Variants in ANKRD44 observed in about 807,000 individuals in gnomAD.
ANKRD44 encodes serine/threonine-protein phosphatase 6 regulatory ankyrin repeat subunit B.
A neutral mutation model predicts 116.0 loss-of-function variants in ANKRD44; 35 were observed. The ratio of observed to expected loss-of-function variants is 0.30; its 90% confidence interval spans 0.23 to 0.40. The LOEUF is 0.40. Ranked by LOEUF, ANKRD44 falls within the 10% of genes least tolerant of loss-of-function variation. The pLI, the probability that ANKRD44 is intolerant of heterozygous loss-of-function variation, is 1.00. For missense variants in ANKRD44, 1,014 were observed against 1,242.6 expected, an observed-to-expected ratio of 0.82 and a Z score of 2.77; for synonymous variants, 435 against 461.8, an observed-to-expected ratio of 0.94 and a Z score of 0.74.
intron 4 of ANKRD44, chr2:197,136,195 C>T: frequency 5.2e-6 from 1 of 193,772 alleles, no homozygotes; most frequent in Non-Finnish European, 1.1e-5. Flanking sequence ...TTCTCCTGGC[C>T]TGCTAAGTCC....
chr2:197,042,542 C>T (rs1248371142), intron 16 of ANKRD44, among the ~76,000 whole-genome samples: 1 of 151,408 alleles, frequency 6.6e-6, no homozygotes, highest in Admixed American at 6.6e-5. Context: ...TCCTCCAGGC[C>T]TCCATATTTA....
chr2:196,976,916 G>A (rs2125862295), intron 21 of ANKRD44, among the ~76,000 whole-genome samples: 1 of 151,832 alleles, frequency 6.6e-6, no homozygotes, highest in Middle Eastern at 3.4e-3. Flanking sequence ...AGGGAGGGAG[G>A]GAGGGCTCTA....
In ANKRD44 at chr2:196,978,409, C is replaced by T. The variant is rs182662496; in HGVS notation, c.2369-10963G>A. Among the ~76,000 whole-genome samples the T allele has an allele frequency of 4.4e-3, 664 of 152,300 alleles. 2 individuals carry two copies. The highest frequency in any genetic ancestry group is 6.8e-3 in the Middle Eastern group (2 of 294). On this transcript the variant is annotated intron_variant, in intron 21 of 21. Coordinates refer to the ANKRD44 transcript ENST00000424317. ...ATAAACCACTTTTCTTTATAAATTA[C>T]CCAATCTCAGGTATTCCTTTATAGC...
intron 2 of ANKRD44, among the ~76,000 whole-genome samples, chr2:197,183,612 C>T (rs951773040): frequency 6.6e-6 from 1 of 152,120 alleles, no homozygotes; most frequent in African/African-American, 2.4e-5. Context: ...AGAGGACATG[C>T]TGGATAAGTG....
rs149326079 is a variant in ANKRD44, at chr2:197,026,483, G to C, written c.1651-1216C>G. On this transcript the variant is annotated intron_variant, in intron 16 of 27. Transcript: ENST00000282272. The stretch of plus-strand genomic sequence containing the variant: ...ATCTTGGAGAAGAGCATTCTAAGCA[G>C]AGGGGCCAACAGCTGCCAAGACCCT... Among the ~76,000 whole-genome samples the C allele has an allele frequency of 1.4e-3, 208 of 152,292 alleles. 1 individual carries two copies. The highest frequency in any genetic ancestry group is 2.4e-3 in the Non-Finnish European group (166 of 68,030).
intron 8 of ANKRD44, among the ~76,000 whole-genome samples, chr2:197,113,156 A>G (rs543507738): frequency 6.6e-6 from 1 of 152,216 alleles, no homozygotes; most frequent in Non-Finnish European, 1.5e-5. Context: ...TGGAGCAATC[A>G]AGAGAATGAG....
intron 1 of ANKRD44, among the ~76,000 whole-genome samples, chr2:197,269,379 G>A (rs1407661070): frequency 3.9e-5 from 6 of 152,164 alleles, no homozygotes; most frequent in African/African-American, 1.4e-4. Flanking sequence ...TTGGAAACGG[G>A]AGCTGTAACT....
intron 1 of ANKRD44, among the ~76,000 whole-genome samples, chr2:197,281,744 T>A (rs1307670932): frequency 6.6e-6 from 1 of 152,186 alleles, no homozygotes; most frequent in Non-Finnish European, 1.5e-5. Context: ...TTCCTTGGAA[T>A]TAAAAATCTA....
chr2:197,036,232 A>G (rs532257126), intron 16 of ANKRD44, among the ~76,000 whole-genome samples: 3 of 152,226 alleles, frequency 2.0e-5, no homozygotes, highest in South Asian at 2.1e-4. Context: ...TTACCTTTCT[A>G]TAGTTGCGTA....
rs975056771 is a variant in ANKRD44 at position 196,988,763 on chromosome 2, T to C, written c.*828A>G. 1.0e-6 allele frequency: 1 copy of C among 985,298 alleles called. No individual in the cohort carries two copies. Among genetic ancestry groups the C allele is most frequent in the Non-Finnish European group, 1.2e-6 (1 of 829,932 alleles). 61.0% of individuals were successfully genotyped at this position (985,298 alleles called of 1,614,324 possible). A position where few individuals can be genotyped will look rare whatever the true frequency, so the allele number is the denominator to read the frequency against. ...TTCTGTCTCTTCCTCAAGTAGAAAA[T>C]AGCACTTGAGCTGGTGATTTTTATT... On this transcript the variant is annotated 3_prime_UTR_variant, in exon 28 of 28. Coordinates refer to ENST00000282272, the MANE Select transcript of ANKRD44 (RefSeq NM_001195144.2).
At chr2:197,138,220 C>T (rs1171593860) in intron 3 of ANKRD44, among the ~76,000 whole-genome samples, 3 of 152,200 alleles carry the variant, frequency 2.0e-5, no homozygotes, top group African/African-American at 4.8e-5. Flanking sequence ...GTTCTTATTT[C>T]CAAATCACCT....
At chr2:197,043,592 A>G (rs1432897475) in intron 16 of ANKRD44, among the ~76,000 whole-genome samples, 2 of 152,204 alleles carry the variant, frequency 1.3e-5, no homozygotes, top group East Asian at 3.8e-4. Context: ...TTTGTTTTTA[A>G]TTTTTAAAAA....
chr2:197,154,793 C>G (rs2079765905), intron 2 of ANKRD44, among the ~76,000 whole-genome samples: 1 of 152,110 alleles, frequency 6.6e-6, no homozygotes. Context: ...TTGTGTGGAG[C>G]CTCCCATGCC....
chr2:197,109,624 G>T (rs764306728), intron 9 of ANKRD44, among the ~76,000 whole-genome samples: 1 of 152,124 alleles, frequency 6.6e-6, no homozygotes, highest in Non-Finnish European at 1.5e-5. Context: ...TATGTGGTCC[G>T]AAATTCTTAT....
intron 15 of ANKRD44, among the ~76,000 whole-genome samples, chr2:197,079,507 C>T (rs767279034): frequency 1.2e-4 from 18 of 152,186 alleles, no homozygotes; most frequent in Non-Finnish European, 1.6e-4. Context: ...GGAAGGAGCA[C>T]GGCTCCACCT....
At chr2:197,005,602 G>T in intron 21 of ANKRD44, 92 bp downstream of exon 21, 1 of 1,152,606 alleles carries the variant, frequency 8.7e-7, no homozygotes, top group Non-Finnish European at 1.3e-6. Flanking sequence ...ACCATGGTTT[G>T]CAGAATTACA....
intron 10 of ANKRD44, 54 bp from the exon 11 acceptor site, chr2:197,090,086 G>A (rs951734098): frequency 2.4e-5 from 33 of 1,352,722 alleles, no homozygotes; most frequent in Admixed American, 1.4e-4. Context: ...AGATACATGC[G>A]GAAGGACAAT....
intron 1 of ANKRD44, among the ~76,000 whole-genome samples, chr2:197,191,936 A>G (rs1465523663): frequency 6.6e-6 from 1 of 152,184 alleles, no homozygotes; most frequent in Non-Finnish European, 1.5e-5. Context: ...GTGAAATCCA[A>G]TTCAATTATT....
At chr2:197,287,189 G>C (rs563894515) in intron 1 of ANKRD44, among the ~76,000 whole-genome samples, 1 of 151,948 alleles carries the variant, frequency 6.6e-6, no homozygotes, top group Non-Finnish European at 1.5e-5. Context: ...TGGGGACAGG[G>C]GTATATGGAA....
Sources: gnomAD v4.1 joint callset for allele counts (sites outside exome capture counted in the v4.1 genomes callset) on GRCh38, gnomAD v4.1.1 for gene constraint, MANE v1.5 for transcripts, NCBI Gene and HGNC (gene_info 2026-07-23, HGNC 2026-07-21) for gene names.